The following AGAP1 variants were observed in gnomAD, a reference collection of about 807,000 sequenced individuals.
The protein encoded by AGAP1 is arf-GAP with GTPase, ANK repeat and PH domain-containing protein 1.
In AGAP1, 29 loss-of-function variants were observed where a neutral mutation model predicts 105.3. That is an observed-to-expected ratio of 0.28 (90% CI 0.21 to 0.38). The LOEUF (loss-of-function observed/expected upper bound fraction) is 0.38, where lower values mean the gene tolerates loss of function less well. Among genes scored for constraint, AGAP1 ranks in the 10% least tolerant of loss-of-function variants. The probability of loss-of-function intolerance (pLI) is 1.00; values close to 1 mark genes in which losing one functional copy is unlikely to be tolerated. For missense variants in AGAP1, 998 were observed against 1,165.1 expected, an observed-to-expected ratio of 0.86 and a Z score of 2.09; for synonymous variants, 509 against 485.9, an observed-to-expected ratio of 1.05 and a Z score of -0.63.
Position 235,736,678 on chromosome 2 carries a change from G to T in AGAP1, c.311-4285G>T, listed in dbSNP as rs1403404288. ...GAGACCAGCCTGGGCAACACAATGA[G>T]GCCCCATCTCATCTATCCAGGTGTG... On this transcript the variant is annotated intron_variant, in intron 3 of 17. Transcript: ENST00000304032. This position sits in a 1 kb window ranked among gnomAD's most constrained non-coding sequence, Gnocchi z 5.5. Among the ~76,000 whole-genome samples the T allele has an allele frequency of 6.6e-6, 1 of 152,102 alleles. No homozygotes were observed. Among genetic ancestry groups the T allele is most frequent in the Non-Finnish European group, 1.5e-5 (1 of 68,012 alleles).
chr2:235,986,308 C>A (rs1032184910), intron 13 of AGAP1, among the ~76,000 whole-genome samples: 3 of 152,058 alleles, frequency 2.0e-5, no homozygotes, highest in Non-Finnish European at 2.9e-5. Context: ...GTGATTTTTG[C>A]ACATTTATTT....
chr2:235,914,715 A>G (rs1575767628), intron 11 of AGAP1, among the ~76,000 whole-genome samples: 1 of 152,148 alleles, frequency 6.6e-6, no homozygotes, highest in South Asian at 2.1e-4. Flanking sequence ...GGGCTCATGC[A>G]TTGAGGAGAG....
rs977852432 is a variant in AGAP1, at chr2:235,797,819, C to T, written c.734C>T (p.Ser245Leu). The change falls in exon 7 of 18, where the codon TCG becomes TTG. Residue 245 changes from serine (S) to leucine (L), a missense_variant. This residue lies in a region of AGAP1 where 735 missense variants were observed against 833.4 expected (regional missense o/e 0.88). Transcript: ENST00000304032. ...CAGCTGTCCATAGGACCCTGCAAGT[C>T]GCTACCTAATTCTCCCAGCCATTCC... Reference protein sequence around the residue: ...KQQLSIGPCKSLPNSPSHSSV... With the variant: ...KQQLSIGPCKLLPNSPSHSSV... 5 of 1,614,194 alleles carry T rather than the reference C, an allele frequency of 3.1e-6. No homozygotes were observed. Among genetic ancestry groups the T allele is most frequent in the Non-Finnish European group, 4.2e-6 (5 of 1,180,040 alleles).
In AGAP1 at chr2:235,799,292, T is replaced by G; in HGVS notation, c.802-75T>G. The G allele has an allele frequency of 6.5e-7, 1 of 1,542,734 alleles. No individual in the cohort carries two copies. Among genetic ancestry groups the G allele is most frequent in the Non-Finnish European group, 8.8e-7 (1 of 1,132,364 alleles). ...ATGGGGCTCATGCTCACTTGTTGGT[T>G]ATGACCTTGCCTAAGTGGAGGTCTT... On this transcript the variant is annotated intron_variant, in intron 7 of 17. Coordinates refer to ENST00000304032, the MANE Select transcript of AGAP1 (RefSeq NM_001037131.3). This position sits in a 1 kb window ranked among gnomAD's most constrained non-coding sequence, Gnocchi z 5.0.
At position 235,872,837 on chromosome 2, in the gene AGAP1, C is replaced by T. The variant is rs530406094; in HGVS notation, c.1051-10508C>T. ...GCTGAGTGTGTTCAGAGGGGCGTCCCATGGTCGAACTGGAACTTGCTTTGG... is the reference window on the plus strand; with the variant it reads ...GCTGAGTGTGTTCAGAGGGGCGTCCTATGGTCGAACTGGAACTTGCTTTGG... On this transcript the variant is annotated intron_variant, in intron 9 of 17. Transcript: ENST00000304032. This position sits in a 1 kb window ranked among gnomAD's most constrained non-coding sequence, Gnocchi z 4.5. Among the ~76,000 whole-genome samples the T allele has an allele frequency of 6.6e-6, 1 of 152,288 alleles. No individual in the cohort carries two copies. Among genetic ancestry groups the T allele is most frequent in the South Asian group, 2.1e-4 (1 of 4,818 alleles).
chr2:235,818,769 G>A (rs1298906799), intron 9 of AGAP1, among the ~76,000 whole-genome samples: 3 of 152,004 alleles, frequency 2.0e-5, no homozygotes, highest in Non-Finnish European at 4.4e-5. Context: ...GTAGAGATGG[G>A]GTTTCACCAT....
intron 1 of AGAP1, among the ~76,000 whole-genome samples, chr2:235,628,487 G>A (rs1196519737): frequency 6.6e-6 from 1 of 152,176 alleles, no homozygotes; most frequent in Non-Finnish European, 1.5e-5. Context: ...AAGCCTGGGA[G>A]TGAGCTCCAG....
At chr2:235,831,125 T>A (rs957915738) in intron 9 of AGAP1, among the ~76,000 whole-genome samples, 1 of 151,556 alleles carries the variant, frequency 6.6e-6, no homozygotes, top group Non-Finnish European at 1.5e-5. Flanking sequence ...TGACAGCTGT[T>A]AGGGAATCAC....
Position 235,608,914 on chromosome 2 carries a change from T to TC in AGAP1, c.164-100258dup, listed in dbSNP as rs566464944. Among the ~76,000 whole-genome samples the TC allele has an allele frequency of 7.9e-5, 12 of 151,294 alleles. No homozygotes were observed. Among genetic ancestry groups the TC allele is most frequent in the Admixed American group, 4.6e-4 (7 of 15,176 alleles). ...AAAACCTTTCAGCTTGTTCTTGACTTCCCCCCCATCCCTAATACCCCCAAC... is the reference window on the plus strand; with the variant it reads ...AAAACCTTTCAGCTTGTTCTTGACTTCCCCCCCCATCCCTAATACCCCCAAC... On this transcript the variant is annotated intron_variant, in intron 1 of 17. Transcript: ENST00000304032. This position sits in a 1 kb window ranked among gnomAD's most constrained non-coding sequence, Gnocchi z 5.4.
intron 1 of AGAP1, among the ~76,000 whole-genome samples, chr2:235,495,418 A>T (rs111535690): frequency 0.01 from 1,580 of 152,264 alleles, 29 homozygotes; most frequent in African/African-American, 0.036. Flanking sequence ...CCCTGTGCAA[A>T]CGCTGGAACC....
chr2:235,991,930 G>T (rs959625998), intron 13 of AGAP1, among the ~76,000 whole-genome samples: 1 of 152,202 alleles, frequency 6.6e-6, no homozygotes, highest in Non-Finnish European at 1.5e-5. Flanking sequence ...TACAGATTCA[G>T]ACTTGCAAAA....
intron 1 of AGAP1, among the ~76,000 whole-genome samples, chr2:235,673,469 T>C (rs900419238): frequency 1.3e-5 from 2 of 152,332 alleles, no homozygotes; most frequent in Non-Finnish European, 1.5e-5. Flanking sequence ...GTGTGTTATA[T>C]AGAACGCTGC....
chr2:236,111,789 CAA>C (rs3030776), intron 16 of AGAP1, among the ~76,000 whole-genome samples: 50,657 of 119,792 alleles, frequency 0.42, 8,793 homozygotes, highest in South Asian at 0.5. Flanking sequence ...GACTCTATCT[CAA>C]AAAAAAAAAA....
At chr2:235,768,697 G>A (rs1475764241) in intron 6 of AGAP1, among the ~76,000 whole-genome samples, 2 of 152,164 alleles carry the variant, frequency 1.3e-5, no homozygotes, top group African/African-American at 4.8e-5. Flanking sequence ...CGGTGCCGGG[G>A]CACATTCACA....
chr2:235,759,852 A>G lies in AGAP1; in HGVS notation c.673+9364A>G, dbSNP rs141270782. Among the ~76,000 whole-genome samples the G allele has an allele frequency of 4.6e-5, 7 of 152,338 alleles. No homozygotes were observed. In the East Asian group the frequency reaches 1.4e-3, roughly 29 times the overall value. ...GGTTAAATTATAAACTGAAATAGCAAATTAATACCAAAACTAAAATAAAGC... is the reference window on the plus strand; with the variant it reads ...GGTTAAATTATAAACTGAAATAGCAGATTAATACCAAAACTAAAATAAAGC... On this transcript the variant is annotated intron_variant, in intron 6 of 17. Transcript: ENST00000304032.
chr2:236,106,192 C>T lies in AGAP1; in HGVS notation c.2115-14000C>T, dbSNP rs10199706. On this transcript the variant is annotated intron_variant, in intron 16 of 17. Transcript: ENST00000304032. ...TGTTTGCCAATTTCAAAGCACATAC[C>T]GGAATCAGTGTGGCTGGAGCTGGAG... Among the ~76,000 whole-genome samples the T allele has an allele frequency of 8.5e-3, 1,300 of 152,340 alleles. 20 individuals are homozygous for T. Among genetic ancestry groups the T allele is most frequent in the African/African-American group, 0.03 (1,240 of 41,582 alleles).
intron 1 of AGAP1, among the ~76,000 whole-genome samples, chr2:235,514,674 A>G (rs965932058): frequency 1.3e-5 from 2 of 152,222 alleles, no homozygotes; most frequent in African/African-American, 4.8e-5. Context: ...TGGCGATTCC[A>G]GGGCCTGCCA....
intron 10 of AGAP1, among the ~76,000 whole-genome samples, chr2:235,885,442 C>T (rs1029567245): frequency 6.6e-6 from 1 of 152,130 alleles, no homozygotes; most frequent in African/African-American, 2.4e-5. Flanking sequence ...TCTCTCTGTC[C>T]CCTTGTCCAA....
At chr2:235,619,871 A>C (rs1248855512) in intron 1 of AGAP1, among the ~76,000 whole-genome samples, 1 of 152,098 alleles carries the variant, frequency 6.6e-6, no homozygotes, top group Non-Finnish European at 1.5e-5. Context: ...TTTTTTCTGC[A>C]AGGTTTGTCC....
Sources: allele counts gnomAD v4.1 joint callset (sites outside exome capture counted in the v4.1 genomes callset), GRCh38; gene constraint gnomAD v4.1.1; regional missense constraint gnomAD v4.1.1; non-coding constraint Gnocchi (gnomAD v3.1); transcripts MANE v1.5; gene names NCBI Gene and HGNC (gene_info 2026-07-23, HGNC 2026-07-21).